Variants in EYA1 observed in about 807,000 individuals in gnomAD.
The protein encoded by EYA1 is protein phosphatase EYA1.
In EYA1, 16 loss-of-function variants were observed where a neutral mutation model predicts 82.0. The observed-to-expected ratio is 0.20, with a 90% confidence interval of 0.13 to 0.30. The LOEUF (loss-of-function observed/expected upper bound fraction) is 0.30. Among genes scored for constraint, EYA1 ranks in the 10% least tolerant of loss-of-function variants. The pLI is 1.00. For synonymous variants in EYA1, 261 were observed against 264.4 expected (o/e 0.99, Z 0.12); for missense variants, 633 against 730.7 (o/e 0.87, Z 1.54).
intron 1 of EYA1, among the ~76,000 whole-genome samples, chr8:71,537,448 A>G (rs1033954657): frequency 2.6e-5 from 4 of 152,184 alleles, no homozygotes; most frequent in East Asian, 1.9e-4. Context: ...AATATCCTAG[A>G]CTGTTTTCAT....
intron 2 of EYA1, among the ~76,000 whole-genome samples, chr8:71,424,349 A>G (rs950867447): frequency 6.6e-6 from 1 of 152,256 alleles, no homozygotes; most frequent in Non-Finnish European, 1.5e-5. Context: ...GAGAGTGTAT[A>G]AAGTATGTAA....
chr8:71,537,377 TA>T (rs1010483351), intron 1 of EYA1, among the ~76,000 whole-genome samples: 8 of 152,210 alleles, frequency 5.3e-5, no homozygotes, highest in African/African-American at 1.7e-4. Context: ...AACAGAATCT[TA>T]AAACTCAACA....
intron 2 of EYA1, among the ~76,000 whole-genome samples, chr8:71,384,918 G>T (rs1828894917): frequency 6.6e-6 from 1 of 152,250 alleles, no homozygotes; most frequent in African/African-American, 2.4e-5. Flanking sequence ...AAAAAGGGAT[G>T]TTCACTGACG....
In EYA1 at chr8:71,447,411, C is replaced by T. The variant is rs371587880; in HGVS notation, c.33+88333G>A. Among the ~76,000 whole-genome samples the T allele has an allele frequency of 2.0e-5, 3 of 152,252 alleles. No individual in the cohort carries two copies. In the East Asian group the frequency reaches 5.8e-4, roughly 29 times the overall value. ...CAGATATCTAATCTTTTCATTAGTGCTACTTACTTCACAATGACTGACATT... is the reference window on the plus strand; with the variant it reads ...CAGATATCTAATCTTTTCATTAGTGTTACTTACTTCACAATGACTGACATT... On this transcript the variant is annotated intron_variant, in intron 2 of 18. Transcript: ENST00000643681.
intron 3 of EYA1, among the ~76,000 whole-genome samples, chr8:71,345,660 CTGTCTT>C (rs1306076349): frequency 1.3e-5 from 2 of 152,198 alleles, no homozygotes; most frequent in African/African-American, 4.8e-5. Context: ...TTCCACATCA[CTGTCTT>C]TAAGGCAAGT....
At chr8:71,347,306 A>C (rs1026602509) in intron 3 of EYA1, among the ~76,000 whole-genome samples, 1 of 150,164 alleles carries the variant, frequency 6.7e-6, no homozygotes, top group Non-Finnish European at 1.5e-5. Context: ...GTTACCCTAA[A>C]GATTGTTTTA....
chr8:71,452,191 T>C (rs1054154647), intron 2 of EYA1, among the ~76,000 whole-genome samples: 9 of 152,290 alleles, frequency 5.9e-5, no homozygotes, highest in African/African-American at 1.9e-4. Context: ...CAGTCTGAGA[T>C]CCAACTGCAA....
intron 2 of EYA1, among the ~76,000 whole-genome samples, chr8:71,447,901 G>A (rs1807018304): frequency 6.6e-6 from 1 of 152,040 alleles, no homozygotes; most frequent in South Asian, 2.1e-4. Flanking sequence ...AGGTTGGGAT[G>A]GCTGTGGCAA....
Position 71,433,992 on chromosome 8 carries a change from C to T in EYA1, c.34-77481G>A, listed in dbSNP as rs77363438. On this transcript the variant is annotated intron_variant, in intron 2 of 18. Transcript: ENST00000643681. ...ATAGTGGCTTGCACCAGAGTTGCAG[C>T]GGTGGAGTTCCAGAGAATGGCCAAT... 2.0e-3 allele frequency among the ~76,000 whole-genome samples: 301 copies of T among 152,204 alleles called. 9 individuals carry two copies. In the East Asian group the frequency reaches 0.047, roughly 24 times the overall value.
chr8:71,440,193 G>A (rs772886565), intron 2 of EYA1, among the ~76,000 whole-genome samples: 1 of 152,154 alleles, frequency 6.6e-6, no homozygotes, highest in Admixed American at 6.5e-5. Flanking sequence ...GGAGTCAGAA[G>A]ATTTGGACGC....
chr8:71,395,569 G>A (rs991476300), intron 2 of EYA1, among the ~76,000 whole-genome samples: 2 of 151,990 alleles, frequency 1.3e-5, no homozygotes, highest in African/African-American at 2.4e-5. Context: ...TTTGTCTTTG[G>A]TTCTGTTTAT....
intron 2 of EYA1, among the ~76,000 whole-genome samples, chr8:71,494,885 C>T (rs774838692): frequency 2.6e-5 from 4 of 151,698 alleles, no homozygotes; most frequent in African/African-American, 4.8e-5. Context: ...CAAGCAGAAA[C>T]GGAACTGTAA....
Position 71,361,879 on chromosome 8 carries a change from C to G in EYA1, c.-287G>C. 1.0e-6 allele frequency: 1 copy of G among 985,422 alleles called. No individual in the cohort carries two copies. The highest frequency in any genetic ancestry group is 1.2e-6 in the Non-Finnish European group (1 of 829,976). The allele number at this position is 985,422 out of a possible 1,614,324, so 61.0% of individuals were successfully genotyped here. A position where few individuals can be genotyped will look rare whatever the true frequency, so the allele number is the denominator to read the frequency against. ...AGGCTCGGGCTGCCGAGCGACTGAGCGAAAACGTGTTCCCCAGGAAGAAAC... is the reference window on the plus strand; with the variant it reads ...AGGCTCGGGCTGCCGAGCGACTGAGGGAAAACGTGTTCCCCAGGAAGAAAC... On this transcript the variant is annotated 5_prime_UTR_variant, in exon 1 of 18. Coordinates refer to ENST00000340726, the MANE Select transcript of EYA1 (RefSeq NM_000503.6).
chr8:71,475,659 T>G (rs1301793749), intron 2 of EYA1, among the ~76,000 whole-genome samples: 1 of 152,198 alleles, frequency 6.6e-6, no homozygotes, highest in Non-Finnish European at 1.5e-5. Context: ...GAAAAAATTT[T>G]GGTTCCTTCC....
At chr8:71,396,165 A>G (rs1829600034) in intron 2 of EYA1, among the ~76,000 whole-genome samples, 1 of 151,918 alleles carries the variant, frequency 6.6e-6, no homozygotes, top group African/African-American at 2.4e-5. Flanking sequence ...TATTGTGTCT[A>G]TTTGATTCTT....
chr8:71,398,181 G>A (rs1373245106), intron 2 of EYA1, among the ~76,000 whole-genome samples: 2 of 152,074 alleles, frequency 1.3e-5, no homozygotes, highest in African/African-American at 2.4e-5. Flanking sequence ...ATTCTAGTTA[G>A]CCATTCATCT....
At chr8:71,357,702 T>A (rs1247431235) in intron 1 of EYA1, among the ~76,000 whole-genome samples, 1 of 152,240 alleles carries the variant, frequency 6.6e-6, no homozygotes, top group Non-Finnish European at 1.5e-5. Flanking sequence ...ACTACCTTTC[T>A]AGCAAGAATA....
At chr8:71,201,402 TATCAGCACC>T (rs1806992705) in intron 17 of EYA1, among the ~76,000 whole-genome samples, 1 of 151,982 alleles carries the variant, frequency 6.6e-6, no homozygotes. Context: ...CTGTGTAAAT[TATCAGCACC>T]ATAGCACAGG....
At chr8:71,432,765 G>C (rs980729038) in intron 2 of EYA1, among the ~76,000 whole-genome samples, 1 of 152,100 alleles carries the variant, frequency 6.6e-6, no homozygotes, top group Non-Finnish European at 1.5e-5. Context: ...AATTTTGGGG[G>C]AATACAATGC....
Sources: allele counts gnomAD v4.1 joint callset (sites outside exome capture counted in the v4.1 genomes callset), GRCh38; gene constraint gnomAD v4.1.1; transcripts MANE v1.5; gene names NCBI Gene and HGNC (gene_info 2026-07-23, HGNC 2026-07-21).